Variants in CHSY3 observed in about 807,000 individuals in gnomAD.
CHSY3 encodes chondroitin sulfate synthase 3, also known as N-acetylgalactosaminyl-proteoglycan 3-beta-glucuronosyltransferase 3.
Under a neutral mutation model 67.2 loss-of-function variants are expected in CHSY3, and 35 were observed. The observed-to-expected ratio is 0.52, with a 90% confidence interval of 0.40 to 0.69. The LOEUF is 0.69. CHSY3 is among the 30% of genes least tolerant of loss of function. CHSY3 has a pLI of 0.00. For synonymous variants in CHSY3, 474 were observed against 434.7 expected, an observed-to-expected ratio of 1.09 and a Z score of -1.12; for missense variants, 1,069 against 1,138.5, an observed-to-expected ratio of 0.94 and a Z score of 0.88.
chr5:129,912,878 A>C (rs1760613785), intron 2 of CHSY3, among the ~76,000 whole-genome samples: 1 of 152,174 alleles, frequency 6.6e-6, no homozygotes, highest in South Asian at 2.1e-4. Context: ...TCTTGTTTTA[A>C]GGCCATATGG....
At position 130,109,022 on chromosome 5, in the gene CHSY3, A is replaced by G. The variant is rs530454421; in HGVS notation, c.1087-75207A>G. Among the ~76,000 whole-genome samples the G allele has an allele frequency of 4.0e-5, 6 of 151,858 alleles. 1 individual carries two copies. The South Asian group carries it at 1.2e-3, about 31-fold the overall frequency. On this transcript the variant is annotated intron_variant, in intron 2 of 2. Coordinates refer to ENST00000305031, the MANE Select transcript of CHSY3 (RefSeq NM_175856.5). ...GAAGCCCTCAAGTTTCTTAAACAGA[A>G]AGAAGATTGCAAATTACTTCAGTCA...
At chr5:129,931,970 A>G (rs1467100804) in intron 2 of CHSY3, among the ~76,000 whole-genome samples, 1 of 151,818 alleles carries the variant, frequency 6.6e-6, no homozygotes, top group Non-Finnish European at 1.5e-5. Flanking sequence ...AAGCTAATCT[A>G]CTCTGCTAGT....
intron 2 of CHSY3, among the ~76,000 whole-genome samples, chr5:130,026,484 ATAT>A (rs138309399): frequency 0.031 from 4,689 of 152,226 alleles, 229 homozygotes; most frequent in African/African-American, 0.11. Flanking sequence ...TCAGCAAAAA[ATAT>A]TATTATGGAC....
chr5:130,033,353 C>T (rs1764754655), intron 2 of CHSY3, among the ~76,000 whole-genome samples: 1 of 152,128 alleles, frequency 6.6e-6, no homozygotes. Context: ...ACTCCTCTTT[C>T]CCTCACTTGC....
chr5:130,128,173 A>C (rs1421205430), intron 2 of CHSY3, among the ~76,000 whole-genome samples: 1 of 152,002 alleles, frequency 6.6e-6, no homozygotes, highest in African/African-American at 2.4e-5. Flanking sequence ...TTCTCTCAAG[A>C]GATGAACAAG....
intron 2 of CHSY3, among the ~76,000 whole-genome samples, chr5:129,989,330 C>T (rs1020066365): frequency 6.8e-6 from 1 of 146,896 alleles, no homozygotes; most frequent in South Asian, 2.2e-4. Context: ...GGTGGGATCT[C>T]GGCTCAGTGC....
Position 130,057,422 on chromosome 5 carries a change from GT to G in CHSY3, c.1087-126803del, listed in dbSNP as rs965802145. On this transcript the variant is annotated intron_variant, in intron 2 of 2. Transcript: ENST00000305031. ...AATAATCATTCTCACTCTTATCACT[GT>G]TTTCTGAAACTAAAATATATTTCTT... 4.6e-5 allele frequency among the ~76,000 whole-genome samples: 7 copies of G among 152,016 alleles called. 1 individual carries two copies. In the South Asian group the frequency reaches 1.2e-3, roughly 27 times the overall value.
intron 2 of CHSY3, among the ~76,000 whole-genome samples, chr5:129,926,866 C>T (rs1476250174): frequency 2.6e-5 from 4 of 151,758 alleles, no homozygotes; most frequent in Non-Finnish European, 5.9e-5. Flanking sequence ...AATTCACTAA[C>T]TTCTGCATGT....
chr5:130,132,354 C>T (rs1195059203), intron 2 of CHSY3, among the ~76,000 whole-genome samples: 8 of 152,126 alleles, frequency 5.3e-5, no homozygotes, highest in South Asian at 2.1e-4. Context: ...CTAAAACTAC[C>T]GTAGGAACTG....
intron 2 of CHSY3, among the ~76,000 whole-genome samples, chr5:129,977,697 A>T (rs1371615511): frequency 6.6e-6 from 1 of 152,148 alleles, no homozygotes; most frequent in African/African-American, 2.4e-5. Flanking sequence ...AACAGTAAAA[A>T]ATATCAAGTT....
chr5:130,141,735 T>C, intron 2 of CHSY3: 2 of 509,470 alleles, frequency 3.9e-6, no homozygotes, highest in Non-Finnish European at 7.7e-6. Flanking sequence ...AGATTCTTGA[T>C]AAGGGTATTA....
At chr5:130,124,039 C>CAAAA (rs11297427) in intron 2 of CHSY3, among the ~76,000 whole-genome samples, 220 of 58,164 alleles carry the variant, frequency 3.8e-3, no homozygotes, top group African/African-American at 6.7e-3. Context: ...GACTCCATCT[C>CAAAA]AAAAAAAAAA....
At chr5:129,981,190 T>C (rs951871675) in intron 2 of CHSY3, among the ~76,000 whole-genome samples, 4 of 151,280 alleles carry the variant, frequency 2.6e-5, no homozygotes, top group Non-Finnish European at 4.4e-5. Flanking sequence ...CACTGCACTC[T>C]GGCCTGGGCG....
At chr5:129,941,839 C>A (rs1761708793) in intron 2 of CHSY3, among the ~76,000 whole-genome samples, 1 of 152,132 alleles carries the variant, frequency 6.6e-6, no homozygotes, top group South Asian at 2.1e-4. Context: ...AAGTCCAGAC[C>A]TCTGGAACTT....
At chr5:130,126,756 TATC>T (rs1185854909) in intron 2 of CHSY3, among the ~76,000 whole-genome samples, 1 of 152,220 alleles carries the variant, frequency 6.6e-6, no homozygotes, top group South Asian at 2.1e-4. Context: ...GACTATATAA[TATC>T]ATATAAACCA....
At chr5:129,909,777 G>A (rs915692417) in intron 2 of CHSY3, among the ~76,000 whole-genome samples, 5 of 151,870 alleles carry the variant, frequency 3.3e-5, no homozygotes, top group Non-Finnish European at 5.9e-5. Context: ...AGTTGATTTT[G>A]TTTACATGCT....
At chr5:130,015,175 C>T (rs980760321) in intron 2 of CHSY3, among the ~76,000 whole-genome samples, 27 of 152,244 alleles carry the variant, frequency 1.8e-4, no homozygotes, top group African/African-American at 6.0e-4. Flanking sequence ...TCCCCCTTCA[C>T]TTTCTGTCTC....
rs775622487 is a variant in CHSY3 at position 130,184,681 on chromosome 5, A to G, written c.1539A>G (p.Arg513=). The change falls in exon 3 of 3, where the codon AGA becomes AGG. Residue 513 remains arginine (R), a synonymous_variant. Coordinates refer to ENST00000305031, the MANE Select transcript of CHSY3 (RefSeq NM_175856.5). ...TGATCAATGAGAATGCCAAGAGCAG[A>G]GGACGGCTCATTGACTTCAAGGAAA... ...MEMINENAKS[R]GRLIDFKEIQ... The G allele has an allele frequency of 6.2e-7, 1 of 1,606,812 alleles. No individual in the cohort carries two copies. Among genetic ancestry groups the G allele is most frequent in the South Asian group, 1.1e-5 (1 of 90,928 alleles).
intron 2 of CHSY3, among the ~76,000 whole-genome samples, chr5:129,957,958 CTCTG>C (rs1762225987): frequency 6.6e-6 from 1 of 151,858 alleles, no homozygotes; most frequent in African/African-American, 2.4e-5. Context: ...TATGTTGATC[CTCTG>C]TCTGTTTTAT....
Sources: gnomAD v4.1 joint callset for allele counts (sites outside exome capture counted in the v4.1 genomes callset) on GRCh38, gnomAD v4.1.1 for gene constraint, MANE v1.5 for transcripts, NCBI Gene and HGNC (gene_info 2026-07-23, HGNC 2026-07-21) for gene names.